SLC2A9: variants seen among roughly 807,000 people sequenced by gnomAD.
SLC2A9 encodes the protein solute carrier family 2, facilitated glucose transporter member 9.
SLC2A9 carries 39 observed loss-of-function variants against 50.6 expected under a neutral mutation model. That is an observed-to-expected ratio of 0.77 (90% confidence interval 0.60 to 1.01). SLC2A9 has a LOEUF of 1.01. Ranked by LOEUF, SLC2A9 falls within the 50% of genes least tolerant of loss-of-function variation. SLC2A9 has a pLI of 0.00. For missense variants in SLC2A9, 686 were observed against 677.6 expected, an observed-to-expected ratio of 1.01 and a Z score of -0.14; for synonymous variants, 324 against 276.9, an observed-to-expected ratio of 1.17 and a Z score of -1.69.
intron 10 of SLC2A9, among the ~76,000 whole-genome samples, chr4:9,849,883 G>A (rs770513854): frequency 2.0e-5 from 3 of 152,022 alleles, no homozygotes; most frequent in East Asian, 1.9e-4. Context: ...TCTCATGGGC[G>A]CATTTTAACA....
At chr4:9,812,832 G>A (rs1401438) in intron 3 of SLC2A9, among the ~76,000 whole-genome samples, 28,644 of 152,014 alleles carry the variant, frequency 0.19, 2,831 homozygotes, top group African/African-American at 0.24. Context: ...TCTTGGCTGA[G>A]ACAAACTGCA....
At chr4:9,772,953 C>G (rs1717041528) in intron 1 of SLC2A9, among the ~76,000 whole-genome samples, 1 of 152,112 alleles carries the variant, frequency 6.6e-6, no homozygotes, top group Admixed American at 6.5e-5. Flanking sequence ...GATGAGGCAA[C>G]TGAGGCTTAG....
chr4:9,933,965 T>C (rs1746610925), intron 6 of SLC2A9, among the ~76,000 whole-genome samples: 1 of 152,196 alleles, frequency 6.6e-6, no homozygotes, highest in Non-Finnish European at 1.5e-5. Context: ...CCCTTGTGAT[T>C]GCATTGGGCT....
chr4:9,907,971 TG>T (rs1185390768), intron 8 of SLC2A9, among the ~76,000 whole-genome samples: 29 of 152,102 alleles, frequency 1.9e-4, no homozygotes, highest in African/African-American at 6.3e-4. Context: ...GCCCCGGAGG[TG>T]TCAGGAACTG....
At chr4:9,840,760 T>C (rs905147676) in intron 10 of SLC2A9, among the ~76,000 whole-genome samples, 1 of 148,328 alleles carries the variant, frequency 6.7e-6, no homozygotes, top group African/African-American at 2.5e-5. Flanking sequence ...TAGTCCATTT[T>C]TGCACTGCTA....
upstream of SLC2A9, among the ~76,000 whole-genome samples, chr4:10,021,830 C>G (rs1273284009): frequency 6.7e-6 from 1 of 148,918 alleles, no homozygotes; most frequent in Non-Finnish European, 1.5e-5. Flanking sequence ...AGCTCTGCCC[C>G]TGACTCTTCC....
At chr4:9,970,562 G>T (rs1462708636) in intron 5 of SLC2A9, among the ~76,000 whole-genome samples, 5 of 152,086 alleles carry the variant, frequency 3.3e-5, no homozygotes, top group African/African-American at 1.2e-4. Flanking sequence ...TCAGTGCAAG[G>T]TTCCTGGAAC....
intron 6 of SLC2A9, among the ~76,000 whole-genome samples, chr4:9,931,956 CTCTCTCTATATA>C (rs1387989278): frequency 2.1e-4 from 9 of 43,294 alleles, no homozygotes; most frequent in East Asian, 1.1e-3. Flanking sequence ...CTCTCTCTCT[CTCTCTCTATATA>C]TATATATATA....
At chr4:9,937,499 T>C (rs1747302490) in intron 6 of SLC2A9, among the ~76,000 whole-genome samples, 2 of 151,876 alleles carry the variant, frequency 1.3e-5, no homozygotes. Context: ...TGAAACAGAG[T>C]AACAGTGAGG....
intron 3 of SLC2A9, among the ~76,000 whole-genome samples, chr4:9,814,136 T>C (rs1723245537): frequency 6.6e-6 from 1 of 151,974 alleles, no homozygotes; most frequent in Non-Finnish European, 1.5e-5. Context: ...TGAGACTCCA[T>C]CGCAAAAATG....
rs140427827 is a variant in SLC2A9 at position 9,791,740 on chromosome 4, G to A, written n.386-11675C>T. ...ACATGAGGGAGCTTGGAAAGGAAGC[G>A]TCCCTCAGTTGAGCCTTCAGATGAG... On this transcript the variant is annotated intron_variant and non_coding_transcript_variant, in intron 3 of 3. Transcript: ENST00000503803. Among the ~76,000 whole-genome samples, 955 of 152,182 alleles carry A rather than the reference G, an allele frequency of 6.3e-3. 7 individuals carry two copies. Among genetic ancestry groups the A allele is most frequent in the African/African-American group, 0.021 (890 of 41,472 alleles).
intron 10 of SLC2A9, among the ~76,000 whole-genome samples, chr4:9,886,978 C>G (rs1168767119): frequency 6.6e-6 from 1 of 152,218 alleles, no homozygotes; most frequent in Non-Finnish European, 1.5e-5. Context: ...CCCAGGTAAA[C>G]TGAGGCTGGG....
At chr4:9,938,170 G>T (rs1164618666) in intron 6 of SLC2A9, among the ~76,000 whole-genome samples, 2 of 152,102 alleles carry the variant, frequency 1.3e-5, no homozygotes, top group Admixed American at 6.5e-5. Flanking sequence ...AGATGAAATG[G>T]ATGCAAATCT....
chr4:9,778,429 C>A (rs1218069604), downstream of SLC2A9, among the ~76,000 whole-genome samples: 4 of 152,086 alleles, frequency 2.6e-5, no homozygotes, highest in African/African-American at 9.7e-5. Context: ...CCTTTACTTG[C>A]ATTTCTTAAG....
Position 9,911,588 on chromosome 4 carries a change from G to A in SLC2A9, c.1003-3243C>T, listed in dbSNP as rs191258712. Among the ~76,000 whole-genome samples, 334 of 152,332 alleles carry A rather than the reference G, an allele frequency of 2.2e-3. 2 individuals are homozygous for A. Among genetic ancestry groups the A allele is most frequent in the Admixed American group, 3.3e-3 (50 of 15,310 alleles). ...GTTGCCCCTAGCCTCCCCGTGCAGC[G>A]TGGCAGGAGCAGCAGTTCTGGAGGC... On this transcript the variant is annotated intron_variant, in intron 7 of 11. Coordinates refer to ENST00000264784, the MANE Select transcript of SLC2A9 (RefSeq NM_020041.3).
At chr4:9,945,966 G>A (rs4621431) in intron 5 of SLC2A9, among the ~76,000 whole-genome samples, 74,346 of 151,964 alleles carry the variant, frequency 0.49, 19,638 homozygotes, top group African/African-American at 0.68. Context: ...TCTTTTTCAG[G>A]TGCTGTTCAA....
chr4:9,824,518 T>G (rs545138022), downstream of SLC2A9, among the ~76,000 whole-genome samples: 1 of 152,302 alleles, frequency 6.6e-6, no homozygotes, highest in African/African-American at 2.4e-5. Context: ...TTCTCACCTC[T>G]CACCCCAGTC....
At chr4:9,794,279 C>T (rs1201714337), downstream of SLC2A9, among the ~76,000 whole-genome samples, 3 of 152,126 alleles carry the variant, frequency 2.0e-5, no homozygotes, top group Admixed American at 1.3e-4. Context: ...CTCAGCCTCC[C>T]GCGTAGCTGG....
intron 11 of SLC2A9, 26 bp downstream of exon 11, chr4:9,834,855 G>C (rs139446169): frequency 6.2e-7 from 1 of 1,614,024 alleles, no homozygotes; most frequent in Non-Finnish European, 8.5e-7. Context: ...GAACCCCATG[G>C]GCAAAAGACT....
Sources: allele counts gnomAD v4.1 joint callset (sites outside exome capture counted in the v4.1 genomes callset), GRCh38; gene constraint gnomAD v4.1.1; transcripts MANE v1.5; gene names NCBI Gene and HGNC (gene_info 2026-07-23, HGNC 2026-07-21).